The following ZNF112 variants were observed in gnomAD, a reference collection of about 807,000 sequenced individuals.
ZNF112 encodes the protein zinc finger protein 112 (Y14).
Under a neutral mutation model 77.7 loss-of-function variants are expected in ZNF112, and 37 were observed. That is an observed-to-expected ratio of 0.48 (90% confidence interval 0.37 to 0.63). The LOEUF (loss-of-function observed/expected upper bound fraction) is 0.63. Ranked by LOEUF, ZNF112 falls within the 20% of genes least tolerant of loss-of-function variation. ZNF112 has a pLI of 0.00. For synonymous variants in ZNF112, 333 were observed against 363.6 expected (o/e 0.92, Z 0.96); for missense variants, 950 against 1,077.4 (o/e 0.88, Z 1.66).
chr19:44,345,666 A>C (rs1005936713), intron 1 of ZNF112, among the ~76,000 whole-genome samples: 2 of 152,246 alleles, frequency 1.3e-5, no homozygotes, highest in African/African-American at 4.8e-5. Context: ...GGTTAAAACA[A>C]GTGCATAGCT....
chr19:44,351,284 A>C (rs557471860), intron 1 of ZNF112, among the ~76,000 whole-genome samples: 31 of 152,232 alleles, frequency 2.0e-4, no homozygotes, highest in African/African-American at 7.2e-4. Flanking sequence ...TCACACCAGT[A>C]AATATCTCAT....
chr19:44,351,784 A>C (rs1170453498), intron 1 of ZNF112, among the ~76,000 whole-genome samples: 3 of 152,116 alleles, frequency 2.0e-5, no homozygotes, highest in African/African-American at 7.2e-5. Context: ...CTCCTGATGA[A>C]GAACAAAAGA....
intron 1 of ZNF112, among the ~76,000 whole-genome samples, chr19:44,344,308 A>G (rs1384265282): frequency 4.2e-5 from 4 of 96,042 alleles, no homozygotes; most frequent in Non-Finnish European, 9.3e-5. Context: ...GTTCTTCCTC[A>G]AGGTTTGTTA....
At chr19:44,352,205 C>T (rs1008707246) in intron 1 of ZNF112, among the ~76,000 whole-genome samples, 1 of 151,844 alleles carries the variant, frequency 6.6e-6, no homozygotes, top group African/African-American at 2.4e-5. Context: ...CAGAAATGTA[C>T]ACCAAAAAGA....
chr19:44,347,159 T>C (rs1208369909), intron 1 of ZNF112, among the ~76,000 whole-genome samples: 1 of 152,176 alleles, frequency 6.6e-6, no homozygotes, highest in African/African-American at 2.4e-5. Flanking sequence ...ACCCTTGGCA[T>C]GGTGTCCCTC....
At chr19:44,364,562 C>A (rs1043316989) in intron 1 of ZNF112, among the ~76,000 whole-genome samples, 1 of 152,018 alleles carries the variant, frequency 6.6e-6, no homozygotes, top group Non-Finnish European at 1.5e-5. Context: ...TCTCTGTCAT[C>A]TAGATCTTCA....
Position 44,340,556 on chromosome 19 carries a change from C to G in ZNF112, c.-3-14G>C. On this transcript the variant is annotated splice_polypyrimidine_tract_variant and intron_variant, in intron 1 of 3. Coordinates refer to ENST00000354340, the MANE Select transcript of ZNF112 (RefSeq NM_013380.4). ...TGTCACCATCTCCTACAATGCCAAACACATGCACACTAAGTTTACAGAAGA... is the reference window on the plus strand; with the variant it reads ...TGTCACCATCTCCTACAATGCCAAAGACATGCACACTAAGTTTACAGAAGA... The G allele has an allele frequency of 6.2e-7, 1 of 1,613,806 alleles. No individual in the cohort carries two copies. Among genetic ancestry groups the G allele is most frequent in the East Asian group, 2.2e-5 (1 of 44,862 alleles).
intron 1 of ZNF112, among the ~76,000 whole-genome samples, chr19:44,340,916 A>G (rs115579521): frequency 7.0e-4 from 107 of 152,200 alleles, no homozygotes; most frequent in African/African-American, 2.3e-3. Flanking sequence ...TAATTTGTCA[A>G]ATTTACAGGG....
intron 1 of ZNF112, among the ~76,000 whole-genome samples, chr19:44,354,296 T>C (rs200268671): frequency 3.3e-5 from 5 of 152,126 alleles, no homozygotes; most frequent in Admixed American, 1.3e-4. Context: ...GTAGTCGTTA[T>C]ACAAACTATG....
rs1367137860 is a variant in ZNF112, at chr19:44,326,953, A to T, written c.*480T>A. The T allele has an allele frequency of 6.5e-6, 1 of 154,518 alleles. No individual in the cohort carries two copies. The highest frequency in any genetic ancestry group is 1.9e-4 in the East Asian group (1 of 5,230). 9.6% of individuals were successfully genotyped at this position (154,518 alleles called of 1,614,324 possible). A position where few individuals can be genotyped will look rare whatever the true frequency, so the allele number is the denominator to read the frequency against. On this transcript the variant is annotated 3_prime_UTR_variant, in exon 4 of 4. Coordinates refer to ENST00000354340, the MANE Select transcript of ZNF112 (RefSeq NM_013380.4). ...ACATTTCAAATATTTACTTGAAATG[A>T]TTTTATTAAGATTACTTGCAGGATT... is the stretch of plus-strand genomic sequence containing the variant.
At chr19:44,333,127 T>C (rs921905397) in intron 3 of ZNF112, among the ~76,000 whole-genome samples, 1 of 152,128 alleles carries the variant, frequency 6.6e-6, no homozygotes, top group Non-Finnish European at 1.5e-5. Flanking sequence ...CACTTAGAGG[T>C]TGAGAAAGTC....
At position 44,340,457 on chromosome 19, in the gene ZNF112, C is replaced by T. The variant is rs754873468; in HGVS notation, c.83G>A (p.Arg28Gln). ...LLDSVQRKLY[R>Q]DVMLENFRNL... The stretch of plus-strand genomic sequence containing the variant: ...CCTGAAGTTCTCCAGCATCACATCT[C>T]GGTACAGCTTCCTCTGGACAGAGTC... Residue 28 changes from arginine to glutamine, a missense_variant, in exon 2 of 4, where the codon CGA (arginine) becomes CAA (glutamine). By Grantham distance (43) the Arg-to-Gln change is conservative (BLOSUM62 1). This residue lies in a region of ZNF112 where 17 missense variants were observed against 37.3 expected (regional missense o/e 0.46). Transcript: ENST00000354340. 1.8e-5 allele frequency: 29 copies of T among 1,614,088 alleles called. No homozygotes were observed. Among genetic ancestry groups the T allele is most frequent in the African/African-American group, 2.7e-5 (2 of 75,042 alleles).
intron 3 of ZNF112, among the ~76,000 whole-genome samples, chr19:44,331,988 CTT>C (rs1375290945): frequency 1.3e-5 from 2 of 152,144 alleles, no homozygotes; most frequent in Non-Finnish European, 2.9e-5. Flanking sequence ...TGGATTGAGT[CTT>C]TCTCATTTTT....
At chr19:44,358,106 C>T (rs1273612826), upstream of ZNF112, among the ~76,000 whole-genome samples, 3 of 147,754 alleles carry the variant, frequency 2.0e-5, no homozygotes, top group African/African-American at 7.5e-5. Flanking sequence ...GAGCCGAGAT[C>T]GCACCACTGC....
chr19:44,352,103 A>G (rs1352037445), intron 1 of ZNF112, among the ~76,000 whole-genome samples: 2 of 152,068 alleles, frequency 1.3e-5, no homozygotes, highest in African/African-American at 4.8e-5. Flanking sequence ...GACTACAAAA[A>G]GGTACCACAA....
At position 44,335,439 on chromosome 19, in the gene ZNF112, C is replaced by T. The variant is rs149054473; in HGVS notation, c.220+1184G>A. ...TTAGTATATTAAAAACAAGAATGTACATAACAAATTTTTACATTAATATGA... is the reference window on the plus strand; with the variant it reads ...TTAGTATATTAAAAACAAGAATGTATATAACAAATTTTTACATTAATATGA... On this transcript the variant is annotated intron_variant, in intron 3 of 3. Coordinates refer to ENST00000354340, the MANE Select transcript of ZNF112 (RefSeq NM_013380.4). Among the ~76,000 whole-genome samples, 27 of 152,198 alleles carry T rather than the reference C, an allele frequency of 1.8e-4. No homozygotes were observed. In the East Asian group the frequency reaches 4.8e-3, roughly 27 times the overall value.
chr19:44,363,827 A>G (rs543009797), intron 1 of ZNF112, among the ~76,000 whole-genome samples: 65 of 152,210 alleles, frequency 4.3e-4, no homozygotes, highest in Non-Finnish European at 8.7e-4. Flanking sequence ...CCACCAGATC[A>G]TCTCCCAAAA....
intron 1 of ZNF112, among the ~76,000 whole-genome samples, chr19:44,351,215 C>CAAGAATT (rs888519452): frequency 6.6e-6 from 1 of 152,018 alleles, no homozygotes; most frequent in African/African-American, 2.4e-5. Context: ...CTTGTAATTA[C>CAAGAATT]ACTGGGCCCA....
At chr19:44,360,853 A>G (rs1568681130), upstream of ZNF112, among the ~76,000 whole-genome samples, 1 of 152,200 alleles carries the variant, frequency 6.6e-6, no homozygotes, top group Non-Finnish European at 1.5e-5. Flanking sequence ...ACTTAAATCT[A>G]CTCAGTGTAT....
Sources: gnomAD v4.1 joint callset for allele counts (sites outside exome capture counted in the v4.1 genomes callset) on GRCh38, gnomAD v4.1.1 for gene constraint, gnomAD v4.1.1 regional missense constraint, MANE v1.5 for transcripts, NCBI Gene and HGNC (gene_info 2026-07-23, HGNC 2026-07-21) for gene names.